Variants in NME7 observed in about 807,000 individuals in gnomAD.
The protein encoded by NME7 is NME/NM23 family member 7.
A neutral mutation model predicts 49.1 loss-of-function variants in NME7; 41 were observed. The observed-to-expected ratio is 0.83, with a 90% CI of 0.65 to 1.08. The LOEUF (loss-of-function observed/expected upper bound fraction) is 1.08, where lower values mean the gene tolerates loss of function less well. NME7 is among the 50% of genes least tolerant of loss of function. NME7 has a pLI of 0.00. For synonymous variants in NME7, 139 were observed against 150.6 expected, an observed-to-expected ratio of 0.92 and a Z score of 0.56; for missense variants, 423 against 463.4, an observed-to-expected ratio of 0.91 and a Z score of 0.80.
intron 1 of NME7, among the ~76,000 whole-genome samples, chr1:169,325,078 A>C (rs77133892): frequency 0.015 from 2,218 of 152,300 alleles, 59 homozygotes; most frequent in African/African-American, 0.05. Context: ...TTGAACATAC[A>C]AGAATTTCAT....
chr1:169,309,579 T>C (rs1651304332), intron 4 of NME7, among the ~76,000 whole-genome samples: 1 of 152,180 alleles, frequency 6.6e-6, no homozygotes, highest in African/African-American at 2.4e-5. Context: ...ACATGCATAT[T>C]GCTCCTCTTG....
chr1:169,244,045 G>A (rs1396427233), intron 7 of NME7, among the ~76,000 whole-genome samples: 3 of 135,944 alleles, frequency 2.2e-5, no homozygotes, highest in Non-Finnish European at 4.9e-5. Context: ...TTATGTATAT[G>A]CAAAAATATA....
At chr1:169,305,594 T>C (rs1459518833) in intron 4 of NME7, among the ~76,000 whole-genome samples, 1 of 152,222 alleles carries the variant, frequency 6.6e-6, no homozygotes, top group African/African-American at 2.4e-5. Flanking sequence ...AGGATTGTGT[T>C]TGCAACAAGA....
intron 1 of NME7, among the ~76,000 whole-genome samples, chr1:169,352,286 A>G (rs148750890): frequency 6.6e-6 from 1 of 152,284 alleles, no homozygotes; most frequent in East Asian, 1.9e-4. Flanking sequence ...ATGCAAATCA[A>G]TCAATGTGAT....
intron 3 of NME7, chr1:169,322,104 C>G (rs1256010076): frequency 6.6e-6 from 1 of 152,142 alleles, no homozygotes; most frequent in East Asian, 1.9e-4. Flanking sequence ...CTTGCTAATA[C>G]TGAAAATCAG....
chr1:169,309,226 T>C (rs1651292065), intron 4 of NME7, among the ~76,000 whole-genome samples: 1 of 152,214 alleles, frequency 6.6e-6, no homozygotes, highest in Admixed American at 6.5e-5. Flanking sequence ...TCTTTTTCTT[T>C]TTGTTGCCTG....
chr1:169,295,521 C>T (rs1650674989), intron 6 of NME7, among the ~76,000 whole-genome samples: 1 of 152,250 alleles, frequency 6.6e-6, no homozygotes, highest in Admixed American at 6.5e-5. Flanking sequence ...AACAATACCA[C>T]ATTTACAATA....
intron 2 of NME7, 122 bp downstream of exon 2, chr1:169,324,271 C>T: frequency 2.1e-6 from 1 of 487,464 alleles, no homozygotes; most frequent in Non-Finnish European, 3.7e-6. Context: ...AAAGAATTTC[C>T]ATATGTATAT....
intron 3 of NME7, among the ~76,000 whole-genome samples, chr1:169,317,202 T>C (rs899652030): frequency 3.3e-5 from 5 of 152,030 alleles, no homozygotes; most frequent in Non-Finnish European, 7.4e-5. Flanking sequence ...CAAAAAGATA[T>C]TAATTAACCC....
intron 1 of NME7, among the ~76,000 whole-genome samples, chr1:169,346,008 C>A (rs151075476): frequency 6.6e-6 from 1 of 152,234 alleles, no homozygotes; most frequent in East Asian, 1.9e-4. Flanking sequence ...TCTAATTCAT[C>A]AGGAAATCCT....
At chr1:169,299,767 T>C (rs1257225230) in intron 5 of NME7, among the ~76,000 whole-genome samples, 5 of 152,152 alleles carry the variant, frequency 3.3e-5, no homozygotes, top group African/African-American at 1.2e-4. Flanking sequence ...AAAAAAGTAT[T>C]CTTGTCTTCT....
intron 11 of NME7, among the ~76,000 whole-genome samples, chr1:169,162,081 A>C (rs1261337855): frequency 6.6e-6 from 1 of 152,126 alleles, no homozygotes; most frequent in African/African-American, 2.4e-5. Context: ...CGTTTTCTAC[A>C]TCTCTATGAT....
intron 7 of NME7, among the ~76,000 whole-genome samples, chr1:169,266,103 A>G (rs956352600): frequency 1.5e-5 from 2 of 131,906 alleles, no homozygotes; most frequent in African/African-American, 5.1e-5. Context: ...ATCCTCCTCA[A>G]CTCATTCTAT....
chr1:169,154,876 C>T (rs1659021613), intron 11 of NME7, among the ~76,000 whole-genome samples: 1 of 151,496 alleles, frequency 6.6e-6, no homozygotes, highest in African/African-American at 2.4e-5. Flanking sequence ...ATATTTGTGC[C>T]CATGTATAAG....
At chr1:169,282,519 T>C (rs143744020) in intron 7 of NME7, among the ~76,000 whole-genome samples, 2 of 152,188 alleles carry the variant, frequency 1.3e-5, no homozygotes, top group African/African-American at 4.8e-5. Flanking sequence ...GTTGCTTCTC[T>C]AGTTCTTTCA....
At chr1:169,255,715 C>T (rs1399360998) in intron 7 of NME7, among the ~76,000 whole-genome samples, 2 of 128,098 alleles carry the variant, frequency 1.6e-5, no homozygotes, top group African/African-American at 5.3e-5. Context: ...TTGCTCCTTT[C>T]CATGTTTAGC....
intron 4 of NME7, among the ~76,000 whole-genome samples, chr1:169,303,995 G>A (rs892718781): frequency 7.9e-5 from 12 of 152,008 alleles, no homozygotes; most frequent in Admixed American, 3.3e-4. Context: ...GACTACAGTC[G>A]TGTTTTTAAA....
chr1:169,248,792 T>C (rs145902110), intron 7 of NME7, among the ~76,000 whole-genome samples: 24 of 152,256 alleles, frequency 1.6e-4, no homozygotes, highest in African/African-American at 5.8e-4. Context: ...TGGTTGTAAG[T>C]ATTTGGCTTT....
chr1:169,147,697 C>T (rs1320618507), intron 11 of NME7, among the ~76,000 whole-genome samples: 2 of 152,180 alleles, frequency 1.3e-5, no homozygotes, highest in East Asian at 1.9e-4. Flanking sequence ...AAGAGCATGA[C>T]TGTATCAAAT....
Sources: gnomAD v4.1 joint callset for allele counts (sites outside exome capture counted in the v4.1 genomes callset) on GRCh38, gnomAD v4.1.1 for gene constraint, MANE v1.5 for transcripts, NCBI Gene and HGNC (gene_info 2026-07-23, HGNC 2026-07-21) for gene names.